Variants in PTPRG observed in about 807,000 individuals in gnomAD.
PTPRG encodes the protein protein tyrosine phosphatase receptor type G, also known as receptor-type tyrosine-protein phosphatase gamma.
A neutral mutation model predicts 165.3 loss-of-function variants in PTPRG; 102 were observed. The observed-to-expected ratio is 0.62, with a 90% CI of 0.53 to 0.73. PTPRG has a LOEUF of 0.73. Among genes scored for constraint, PTPRG ranks in the 30% least tolerant of loss-of-function variants. The pLI is 0.00. For missense variants in PTPRG, 1,866 were observed against 1,861.4 expected, an observed-to-expected ratio of 1.00 and a Z score of -0.05; for synonymous variants, 675 against 669.5, an observed-to-expected ratio of 1.01 and a Z score of -0.13.
chr3:62,275,432 C>T (rs1181100134), intron 23 of PTPRG, among the ~76,000 whole-genome samples: 3 of 152,088 alleles, frequency 2.0e-5, no homozygotes, highest in Non-Finnish European at 2.9e-5. Context: ...ATATCTATTG[C>T]ACACAGTACC....
At chr3:62,017,394 G>C (rs572685347) in intron 4 of PTPRG, among the ~76,000 whole-genome samples, 1 of 151,194 alleles carries the variant, frequency 6.6e-6, no homozygotes, top group South Asian at 2.1e-4. Context: ...GAGGCTAAGC[G>C]TTAATCGTTT....
At chr3:62,289,698 TCC>T (rs555266393) in intron 28 of PTPRG, among the ~76,000 whole-genome samples, 27 of 108,320 alleles carry the variant, frequency 2.5e-4, no homozygotes, top group Admixed American at 4.9e-4. Context: ...CCATTCATGA[TCC>T]CCCCCCCCCA....
chr3:62,078,881 A>C (rs919686343), intron 5 of PTPRG, among the ~76,000 whole-genome samples: 1 of 152,214 alleles, frequency 6.6e-6, no homozygotes, highest in African/African-American at 2.4e-5. Context: ...TAATAAGTCA[A>C]ATCAAAGTAG....
rs563572258 is a variant in PTPRG at position 61,831,293 on chromosome 3, A to G, written c.190+82311A>G. ...TGTCTCACAACTTTTGTGAAAGAGC[A>G]TAATACCCATTTATGGTGAAGAGAA... is the stretch of plus-strand genomic sequence containing the variant. On this transcript the variant is annotated intron_variant, in intron 2 of 29. Coordinates refer to ENST00000474889, the MANE Select transcript of PTPRG (RefSeq NM_002841.4). 2.6e-5 allele frequency among the ~76,000 whole-genome samples: 4 copies of G among 152,362 alleles called. No individual in the cohort carries two copies. The East Asian group carries it at 5.8e-4, about 22-fold the overall frequency.
chr3:62,106,478 T>C (rs1179808825), intron 5 of PTPRG, among the ~76,000 whole-genome samples: 7 of 151,716 alleles, frequency 4.6e-5, no homozygotes, highest in African/African-American at 1.5e-4. Flanking sequence ...CTGAATTTTT[T>C]TGGTCCCCTG....
At chr3:61,890,506 T>TG (rs1289684222) in intron 2 of PTPRG, among the ~76,000 whole-genome samples, 1 of 150,548 alleles carries the variant, frequency 6.6e-6, no homozygotes, top group Non-Finnish European at 1.5e-5. Flanking sequence ...TGAGCAAAGA[T>TG]GCCTGGAAGC....
chr3:61,911,674 A>C (rs928667429), intron 2 of PTPRG, among the ~76,000 whole-genome samples: 1 of 152,158 alleles, frequency 6.6e-6, no homozygotes, highest in Non-Finnish European at 1.5e-5. Context: ...ATTGTTTTCA[A>C]TTTCATTATT....
At chr3:61,753,572 TAG>T in intron 2 of PTPRG, 2 of 437,752 alleles carry the variant, frequency 4.6e-6, no homozygotes, top group South Asian at 3.2e-5. Context: ...TAACTTCAAG[TAG>T]AAATTTGAGG....
chr3:61,779,882 A>C (rs576545339), intron 2 of PTPRG, among the ~76,000 whole-genome samples: 1 of 152,072 alleles, frequency 6.6e-6, no homozygotes, highest in African/African-American at 2.4e-5. Flanking sequence ...GGGCTGGGGG[A>C]ATCCATGTCC....
At chr3:62,056,453 A>G (rs891942540) in intron 4 of PTPRG, among the ~76,000 whole-genome samples, 2 of 152,020 alleles carry the variant, frequency 1.3e-5, no homozygotes, top group Admixed American at 1.3e-4. Context: ...GTGTTAGTGT[A>G]TTTTATGGTA....
At position 62,157,120 on chromosome 3, in the gene PTPRG, C is replaced by A. The variant is rs1447283842; in HGVS notation, c.736C>A (p.Leu246Met). ...CCTCCGGGACCTCCTGCCTGCATCCCTGGGCAGCTATTATCGGTACACAGG... is the reference window on the plus strand; with the variant it reads ...CCTCCGGGACCTCCTGCCTGCATCCATGGGCAGCTATTATCGGTACACAGG... ...FVLRDLLPASLGSYYRYTGSL... is the reference protein window; with the variant it reads ...FVLRDLLPASMGSYYRYTGSL... The change falls in exon 7 of 30, where the codon CTG (leucine) becomes ATG (methionine). Residue 246 changes from leucine (L) to methionine (M), a missense_variant. Coordinates refer to ENST00000474889, the MANE Select transcript of PTPRG (RefSeq NM_002841.4). The A allele has an allele frequency of 1.2e-6, 2 of 1,612,488 alleles. No individual in the cohort carries two copies. Among genetic ancestry groups the A allele is most frequent in the Non-Finnish European group, 1.7e-6 (2 of 1,178,534 alleles).
At chr3:62,061,859 A>T (rs2106692397) in intron 4 of PTPRG, among the ~76,000 whole-genome samples, 1 of 151,642 alleles carries the variant, frequency 6.6e-6, no homozygotes, top group African/African-American at 2.4e-5. Flanking sequence ...GGAACTCATG[A>T]CGTCGGGTGA....
At chr3:61,852,133 G>C (rs1357480491) in intron 2 of PTPRG, among the ~76,000 whole-genome samples, 1 of 152,040 alleles carries the variant, frequency 6.6e-6, no homozygotes, top group East Asian at 1.9e-4. Flanking sequence ...ACCCATTTTT[G>C]TTAATTTCTT....
chr3:61,826,495 C>G (rs1371985082), intron 2 of PTPRG, among the ~76,000 whole-genome samples: 1 of 151,434 alleles, frequency 6.6e-6, no homozygotes, highest in Non-Finnish European at 1.5e-5. Flanking sequence ...GTCACCCAGT[C>G]CTTTCTTCCA....
intron 5 of PTPRG, among the ~76,000 whole-genome samples, chr3:62,128,053 T>A (rs1703378717): frequency 6.6e-6 from 1 of 152,204 alleles, no homozygotes; most frequent in Non-Finnish European, 1.5e-5. Context: ...TTCTGTATTG[T>A]CAGTATCTCT....
At chr3:61,874,677 G>A (rs71296744) in intron 2 of PTPRG, among the ~76,000 whole-genome samples, 16,285 of 152,172 alleles carry the variant, frequency 0.11, 1,376 homozygotes, top group African/African-American at 0.23. Flanking sequence ...CTTTGGGACA[G>A]GGGGAGTGTG....
At chr3:61,721,346 A>G (rs2032035293) in intron 1 of PTPRG, among the ~76,000 whole-genome samples, 1 of 152,156 alleles carries the variant, frequency 6.6e-6, no homozygotes, top group Non-Finnish European at 1.5e-5. Context: ...GGCTTCCTAG[A>G]AGTTTGGGTT....
At chr3:61,772,800 C>T (rs1408667604) in intron 2 of PTPRG, among the ~76,000 whole-genome samples, 1 of 152,158 alleles carries the variant, frequency 6.6e-6, no homozygotes, top group Non-Finnish European at 1.5e-5. Flanking sequence ...TCCTCATGTG[C>T]TGGTGCGTTT....
At position 62,222,551 on chromosome 3, in the gene PTPRG, A is replaced by G. The variant is rs1028827435; in HGVS notation, c.2288+3568A>G. On this transcript the variant is annotated intron_variant, in intron 13 of 29. Coordinates refer to ENST00000474889, the MANE Select transcript of PTPRG (RefSeq NM_002841.4). The surrounding 1 kb of genome is among the most constrained non-coding windows in gnomAD (Gnocchi z 4.5). ...CGTCTGGTGGCCAAAAGGATGGAAC[A>G]TTCTTGTCAGGCCTAGGTCTTATAT... is the stretch of plus-strand genomic sequence containing the variant. Among the ~76,000 whole-genome samples, 2 of 152,212 alleles carry G rather than the reference A, an allele frequency of 1.3e-5. No individual in the cohort carries two copies. The highest frequency in any genetic ancestry group is 2.9e-5 in the Non-Finnish European group (2 of 68,032).
Sources: allele counts gnomAD v4.1 joint callset (sites outside exome capture counted in the v4.1 genomes callset), GRCh38; gene constraint gnomAD v4.1.1; non-coding constraint Gnocchi (gnomAD v3.1); transcripts MANE v1.5; gene names NCBI Gene and HGNC (gene_info 2026-07-23, HGNC 2026-07-21).